Variants in MYO1C observed in about 807,000 individuals in gnomAD.
MYO1C encodes the protein unconventional myosin-Ic.
A neutral mutation model predicts 150.8 loss-of-function variants in MYO1C; 104 were observed. That is an observed-to-expected ratio of 0.69 (90% confidence interval 0.59 to 0.81). The LOEUF (loss-of-function observed/expected upper bound fraction) is 0.81, where lower values mean the gene tolerates loss of function less well. MYO1C is among the 30% of genes least tolerant of loss of function. MYO1C has a pLI of 0.00. For missense variants in MYO1C, 1,504 were observed against 1,435.0 expected (o/e 1.05, Z -0.78); for synonymous variants, 663 against 579.9 (o/e 1.14, Z -2.06).
chr17:1,491,493 C>T, intron 1 of MYO1C: 2 of 459,548 alleles, frequency 4.4e-6, no homozygotes, highest in Non-Finnish European at 5.7e-6. Context: ...TCGGCCCCAG[C>T]GATCCCCGGC....
rs2074155315 is a variant in MYO1C at position 1,465,711 on chromosome 17, C to G, written c.*15G>C. The G allele has an allele frequency of 7.5e-7, 1 of 1,326,290 alleles. No homozygotes were observed. The highest frequency in any genetic ancestry group is 2.8e-5 in the East Asian group (1 of 35,726). The allele number at this position is 1,326,290 out of a possible 1,614,324, so 82.2% of individuals were successfully genotyped here. A position where few individuals can be genotyped will look rare whatever the true frequency, so the allele number is the denominator to read the frequency against. ...CAAAGCATTGGGCGTTGGGAGGGTC[C>G]AGTGGGCGCCTTTATCACCGAGAAT... On this transcript the variant is annotated 3_prime_UTR_variant, in exon 32 of 32. Coordinates refer to ENST00000648651, the MANE Select transcript of MYO1C (RefSeq NM_001080779.2).
At chr17:1,477,138 C>T (rs944826153) in intron 14 of MYO1C, among the ~76,000 whole-genome samples, 27 of 151,806 alleles carry the variant, frequency 1.8e-4, no homozygotes, top group Non-Finnish European at 2.9e-4. Context: ...TGCACCTGGC[C>T]TTCTTTCTCT....
chr17:1,474,498 G>T, intron 17 of MYO1C, 112 bp downstream of exon 17: 2 of 1,022,934 alleles, frequency 2.0e-6, no homozygotes, highest in Non-Finnish European at 3.0e-6. Context: ...ACCTGCAGAT[G>T]TGCACGGGCT....
intron 6 of MYO1C, 35 bp from the exon 7 acceptor site, chr17:1,480,660 G>C: frequency 6.2e-7 from 1 of 1,613,674 alleles, no homozygotes; most frequent in Non-Finnish European, 8.5e-7. Context: ...GCCAGCCCTG[G>C]CACCAGATCC....
At chr17:1,469,284 ACTGGGGTAAATACGGTAG>A in intron 25 of MYO1C, 7 of 544,472 alleles carry the variant, frequency 1.3e-5, no homozygotes, top group Non-Finnish European at 2.4e-5. Context: ...AATAGAGTAG[ACTGGGGTAAATACGGTAG>A]GTGGGGTAAA....
intron 1 of MYO1C, chr17:1,492,164 T>C: frequency 1.8e-6 from 1 of 550,358 alleles, no homozygotes; most frequent in South Asian, 2.0e-5. Flanking sequence ...TTCACGGTTC[T>C]GCCCACTGAG....
rs139543770 is a variant in MYO1C at position 1,478,725 on chromosome 17, G to A, written c.1103C>T (p.Pro368Leu). The A allele has an allele frequency of 3.0e-5, 49 of 1,613,906 alleles. 1 individual carries two copies. The African/African-American group carries it at 4.9e-4, about 16-fold the overall frequency. ...GTACGCGGCCTGCTCCAGGTTCAGC[G>A]GGCTCAGGAGCTGTGGACGCAGCGT... ...IIAKGEELLS[P>L]LNLEQAAYAR... The change falls in exon 10 of 32, where the codon CCG becomes CTG. Residue 368 changes from proline (P) to leucine (L), a missense_variant. By Grantham distance (98) the Pro-to-Leu change is moderately conservative. Transcript: ENST00000648651. This position sits in a 1 kb window ranked among gnomAD's most constrained non-coding sequence, Gnocchi z 6.3.
At chr17:1,472,628 G>C (rs2074327721) in intron 17 of MYO1C, among the ~76,000 whole-genome samples, 1 of 152,242 alleles carries the variant, frequency 6.6e-6, no homozygotes, top group Non-Finnish European at 1.5e-5. Context: ...TCTCAGGCCT[G>C]GCGGAGGAGC....
At chr17:1,475,178 G>A in intron 14 of MYO1C, 146 bp from the exon 15 acceptor site, 1 of 780,074 alleles carries the variant, frequency 1.3e-6, no homozygotes, top group Non-Finnish European at 2.2e-6. Context: ...CCCAGCAGTT[G>A]GGGAGGCCGA....
intron 1 of MYO1C, chr17:1,485,362 G>GGGGCGTCACTCAGGGCCCGGCCT: frequency 2.0e-5 from 3 of 147,094 alleles, no homozygotes; most frequent in Non-Finnish European, 2.9e-5. Context: ...ATTTCTGGCC[G>GGGGCGTCACTCAGGGCCCGGCCT]GGGGCCTGCC....
At position 1,483,033 on chromosome 17, in the gene MYO1C, C is replaced by T. The variant is rs149016718; in HGVS notation, c.374G>A (p.Arg125Gln). The T allele has an allele frequency of 6.7e-5, 108 of 1,610,782 alleles. No individual in the cohort carries two copies. Among genetic ancestry groups the T allele is most frequent in the African/African-American group, 5.2e-4 (39 of 74,970 alleles). Reference protein sequence around the residue: ...HLFAVADTVYRALRTERRDQA... With the variant: ...HLFAVADTVYQALRTERRDQA... ...GTCCCGACGCTCCGTGCGCAGTGCT[C>T]GGTACACAGTGTCCGCCACGGCAAA... Residue 125 changes from arginine to glutamine, a missense_variant, in exon 4 of 32, where the codon CGA becomes CAA. Arg to Gln is a conservative substitution (Grantham distance 43). Transcript: ENST00000648651.
intron 1 of MYO1C, chr17:1,491,344 A>C (rs947661600): frequency 6.6e-6 from 1 of 152,070 alleles, no homozygotes; most frequent in Non-Finnish European, 1.5e-5. Context: ...AAGGGCGCGC[A>C]GGGTCCTGGG....
At chr17:1,490,221 G>A (rs2074712890) in intron 1 of MYO1C, among the ~76,000 whole-genome samples, 1 of 151,876 alleles carries the variant, frequency 6.6e-6, no homozygotes, top group African/African-American at 2.4e-5. Flanking sequence ...CTCCAGGCCG[G>A]GCGCGGTGGC....
chr17:1,477,531 A>G lies in MYO1C; in HGVS notation c.1548T>C (p.Thr516=), dbSNP rs138469522. Residue 516 remains threonine, a synonymous_variant, in exon 14 of 32, where the codon ACT becomes ACC. Transcript: ENST00000648651. The stretch of plus-strand genomic sequence containing the variant: ...TCAGGAAGTGTGGATGGTGCTTGAC[A>G]GTATCCTCCAGCTTCTCCAGGAAGG... ...DLTFLEKLED[T]VKHHPHFLTH... is the part of the protein sequence containing the mutation. 6.2e-5 allele frequency: 100 copies of G among 1,613,648 alleles called. No homozygotes were observed. In the African/African-American group the frequency reaches 1.2e-3, roughly 20 times the overall value.
intron 1 of MYO1C, chr17:1,487,124 G>C (rs2074670577): frequency 6.6e-6 from 1 of 152,372 alleles, no homozygotes; most frequent in Non-Finnish European, 1.5e-5. Flanking sequence ...GGTGGCCTGA[G>C]ATAGAGCGTG....
rs1282177596 is a variant in MYO1C, at chr17:1,480,567, T to C, written c.866A>G (p.Lys289Arg). Residue 289 changes from lysine (K) to arginine (R), a missense_variant, in exon 7 of 32, where the codon AAG becomes AGG. By Grantham distance (26) the Lys-to-Arg change is conservative (BLOSUM62 2). Coordinates refer to ENST00000648651, the MANE Select transcript of MYO1C (RefSeq NM_001080779.2). ...NDKSDWKVVRKALTVIDFTED... is the reference protein window; with the variant it reads ...NDKSDWKVVRRALTVIDFTED... ...GGTGAAATCAATGACTGTCAGAGCC[T>C]TCCTGACGACCTTCCAGTCACTCTT... 6.2e-7 allele frequency: 1 copy of C among 1,614,176 alleles called. No individual in the cohort carries two copies. Among genetic ancestry groups the C allele is most frequent in the Non-Finnish European group, 8.5e-7 (1 of 1,180,032 alleles).
chr17:1,481,984 C>T (rs1209687106), intron 5 of MYO1C, among the ~76,000 whole-genome samples: 2 of 152,268 alleles, frequency 1.3e-5, no homozygotes, highest in South Asian at 4.1e-4. Flanking sequence ...TTTGTCCTGG[C>T]TGTTCCGTTC....
intron 31 of MYO1C, among the ~76,000 whole-genome samples, chr17:1,466,254 G>A (rs1405379008): frequency 1.4e-5 from 2 of 146,228 alleles, no homozygotes; most frequent in African/African-American, 2.6e-5. Flanking sequence ...TCAACCTCCT[G>A]GGCTCAAGCA....
At position 1,477,575 on chromosome 17, in the gene MYO1C, C is replaced by G; in HGVS notation, c.1504G>C (p.Gly502Arg). The G allele has an allele frequency of 1.2e-6, 2 of 1,613,454 alleles. No individual in the cohort carries two copies. The highest frequency in any genetic ancestry group is 1.7e-6 in the Non-Finnish European group (2 of 1,179,952). Residue 502 changes from glycine to arginine, a missense_variant, in exon 14 of 32, where the codon GGG becomes CGG. Gly to Arg is a moderately radical substitution (Grantham distance 125). Coordinates refer to ENST00000648651, the MANE Select transcript of MYO1C (RefSeq NM_001080779.2). ...SILDEECLRP[G>R]EATDLTFLEK... ...AGGAAGGTCAGGTCTGTGGCCTCCCCGGGGCGCAGACACTCCTCATCCTGG... is the reference window on the plus strand; with the variant it reads ...AGGAAGGTCAGGTCTGTGGCCTCCCGGGGGCGCAGACACTCCTCATCCTGG...
Sources: allele counts gnomAD v4.1 joint callset (sites outside exome capture counted in the v4.1 genomes callset), GRCh38; gene constraint gnomAD v4.1.1; non-coding constraint Gnocchi (gnomAD v3.1); transcripts MANE v1.5; gene names NCBI Gene and HGNC (gene_info 2026-07-23, HGNC 2026-07-21).